Variants in AFM observed in about 807,000 individuals in gnomAD.
AFM encodes the protein afamin.
In AFM, 82 loss-of-function variants were observed where a neutral mutation model predicts 68.7. That is an observed-to-expected ratio of 1.19 (90% CI 1.00 to 1.43). AFM has a LOEUF of 1.43. AFM is among the 40% of genes most tolerant of loss of function. AFM has a pLI of 0.00. For missense variants in AFM, 772 were observed against 701.8 expected (o/e 1.10, Z -1.13); for synonymous variants, 250 against 234.2 (o/e 1.07, Z -0.61).
intron 8 of AFM, among the ~76,000 whole-genome samples, chr4:73,494,288 G>A (rs1169360234): frequency 6.6e-6 from 1 of 152,104 alleles, no homozygotes; most frequent in African/African-American, 2.4e-5. Flanking sequence ...TGAAAAAATA[G>A]GGGTGGGGAG....
At chr4:73,484,807 G>A (rs915861778) in intron 3 of AFM, among the ~76,000 whole-genome samples, 1 of 152,226 alleles carries the variant, frequency 6.6e-6, no homozygotes, top group Non-Finnish European at 1.5e-5. Context: ...AAAGTGTTGG[G>A]ATTGCAGGCG....
At chr4:73,481,945 T>A in intron 1 of AFM, 82 bp downstream of exon 1, 2 of 1,009,902 alleles carry the variant, frequency 2.0e-6, no homozygotes, top group Non-Finnish European at 3.0e-6. Flanking sequence ...TCTTTCAAGT[T>A]AATTCTTTAC....
chr4:73,484,047 G>C, intron 2 of AFM, 58 bp downstream of exon 2: 1 of 1,441,250 alleles, frequency 6.9e-7, no homozygotes, highest in East Asian at 2.4e-5. Context: ...TTCTAGAAAT[G>C]TTAATGCTTC....
intron 1 of AFM, among the ~76,000 whole-genome samples, chr4:73,482,210 G>A (rs1348952581): frequency 6.6e-6 from 1 of 152,184 alleles, no homozygotes; most frequent in Non-Finnish European, 1.5e-5. Context: ...GATGTTAACT[G>A]GGATTTTTCT....
At position 73,481,889 on chromosome 4, in the gene AFM, T is replaced by C. The variant is rs568499671; in HGVS notation, c.88+26T>C. The C allele has an allele frequency of 3.5e-6, 5 of 1,412,968 alleles. No individual in the cohort carries two copies. The Admixed American group carries it at 9.6e-5, about 27-fold the overall frequency. The allele number at this position is 1,412,968 out of a possible 1,614,324, so 87.5% of individuals were successfully genotyped here. A position where few individuals can be genotyped will look rare whatever the true frequency, so the allele number is the denominator to read the frequency against. On this transcript the variant is annotated intron_variant, in intron 1 of 14. Transcript: ENST00000226355. ...GTAAGAAATTTACTTGTATATCAGCTAAAGCATGACCAGTTAGGATAATTT... is the reference window on the plus strand; with the variant it reads ...GTAAGAAATTTACTTGTATATCAGCCAAAGCATGACCAGTTAGGATAATTT...
chr4:73,499,500 T>G (rs527744240), intron 11 of AFM, among the ~76,000 whole-genome samples: 14 of 152,270 alleles, frequency 9.2e-5, no homozygotes, highest in African/African-American at 3.4e-4. Context: ...AGGGATTTGT[T>G]AGGACAAATG....
At chr4:73,486,894 TCCC>T in intron 4 of AFM, 70 bp from the exon 5 acceptor site, 2 of 1,469,530 alleles carry the variant, frequency 1.4e-6, no homozygotes, top group African/African-American at 1.4e-5. Context: ...TCCCTTCCCT[TCCC>T]TTGTCTACAT....
intron 4 of AFM, 120 bp from the exon 5 acceptor site, chr4:73,486,847 T>C (rs1720914003): frequency 1.4e-5 from 14 of 1,012,504 alleles, no homozygotes; most frequent in Non-Finnish European, 1.7e-5. Flanking sequence ...TCTCTTTCTA[T>C]TTTTTCTTTT....
At chr4:73,492,194 G>A (rs769919534) in intron 8 of AFM, 108 bp downstream of exon 8, 3 of 970,348 alleles carry the variant, frequency 3.1e-6, no homozygotes, top group South Asian at 1.5e-5. Flanking sequence ...TATTTCACTA[G>A]GTATCATATA....
chr4:73,498,265 CATT>C (rs1721312551), intron 10 of AFM, among the ~76,000 whole-genome samples: 1 of 151,386 alleles, frequency 6.6e-6, no homozygotes, highest in African/African-American at 2.4e-5. Context: ...ATTTTATTAT[CATT>C]ATTATTATTG....
chr4:73,503,048 A>G lies in AFM; in HGVS notation c.1780-2A>G, dbSNP rs533079194. 1.2e-6 allele frequency: 2 copies of G among 1,613,148 alleles called. No homozygotes were observed. Among genetic ancestry groups the G allele is most frequent in the African/African-American group, 1.3e-5 (1 of 75,002 alleles). On this transcript the variant is annotated splice_acceptor_variant, in intron 13 of 14. Coordinates refer to ENST00000226355, the MANE Select transcript of AFM (RefSeq NM_001133.2). LOFTEE classifies it high-confidence loss of function. ...TGTTTTTATTTCCATCCCTCACCTC[A>G]GAGTCCAAAAATTGGCAACTGAAGC...
At position 73,502,067 on chromosome 4, in the gene AFM, A is replaced by C. The variant is rs946245506; in HGVS notation, c.1779+148A>C. On this transcript the variant is annotated intron_variant, in intron 13 of 14. Transcript: ENST00000226355. ...ATTGCTACACAACTAATATGTAGACATCTCTGAAATACACTTTGAGCAGTG... is the reference window on the plus strand; with the variant it reads ...ATTGCTACACAACTAATATGTAGACCTCTCTGAAATACACTTTGAGCAGTG... 3.8e-5 allele frequency: 34 copies of C among 888,228 alleles called. No individual in the cohort carries two copies. The African/African-American group carries it at 5.4e-4, about 14-fold the overall frequency. 55.0% of individuals were successfully genotyped at this position (888,228 alleles called of 1,614,324 possible). A position where few individuals can be genotyped will look rare whatever the true frequency, so the allele number is the denominator to read the frequency against.
intron 11 of AFM, among the ~76,000 whole-genome samples, 163 bp downstream of exon 11, chr4:73,499,409 C>A (rs1466007771): frequency 6.6e-6 from 1 of 151,894 alleles, no homozygotes; most frequent in Non-Finnish European, 1.5e-5. Context: ...TTTGTGAAAA[C>A]CCTAAGAAGT....
At chr4:73,501,118 T>C (rs1721411124) in intron 12 of AFM, among the ~76,000 whole-genome samples, 1 of 152,112 alleles carries the variant, frequency 6.6e-6, no homozygotes, top group Non-Finnish European at 1.5e-5. Context: ...CCCCCTGAAG[T>C]TTGGAATTCT....
intron 7 of AFM, among the ~76,000 whole-genome samples, 194 bp downstream of exon 7, chr4:73,488,953 T>A (rs1292677260): frequency 1.3e-5 from 2 of 152,244 alleles, no homozygotes; most frequent in African/African-American, 4.8e-5. Flanking sequence ...TTGGAATTTT[T>A]AAAGATTACT....
rs148187308 is a variant in AFM, at chr4:73,497,504, G to T, written c.1192-148G>T. 207 of 402,258 alleles carry T rather than the reference G, an allele frequency of 5.1e-4. 1 individual carries two copies. The highest frequency in any genetic ancestry group is 4.0e-3 in the African/African-American group (191 of 48,094). 24.9% of individuals were successfully genotyped at this position (402,258 alleles called of 1,614,324 possible). Reference sequence around the variant, plus strand: ...TAATTAAAAAATTAAGTTCTTGCACGTGCTTGTAAAAAGTGCCCTGAATTT... The same window carrying T: ...TAATTAAAAAATTAAGTTCTTGCACTTGCTTGTAAAAAGTGCCCTGAATTT... On this transcript the variant is annotated intron_variant, in intron 9 of 14. Coordinates refer to ENST00000226355, the MANE Select transcript of AFM (RefSeq NM_001133.2).
chr4:73,486,823 A>T, intron 4 of AFM, 144 bp from the exon 5 acceptor site: 1 of 810,046 alleles, frequency 1.2e-6, no homozygotes, highest in Non-Finnish European at 1.9e-6. Context: ...TTGTTTTACA[A>T]CTTGCTCTTC....
intron 5 of AFM, 125 bp from the exon 6 acceptor site, chr4:73,487,598 TA>T: frequency 1.5e-6 from 1 of 657,010 alleles, no homozygotes; most frequent in Non-Finnish European, 2.6e-6. Flanking sequence ...TTTACTGAAA[TA>T]AAAATCCTGT....
At chr4:73,500,310 T>C (rs560250632) in intron 12 of AFM, 83 bp downstream of exon 12, 2 of 1,200,412 alleles carry the variant, frequency 1.7e-6, no homozygotes, top group South Asian at 1.5e-5. Context: ...CTAGTGGATA[T>C]GTCTTTTTGA....
Sources: gnomAD v4.1 joint callset for allele counts (sites outside exome capture counted in the v4.1 genomes callset) on GRCh38, gnomAD v4.1.1 for gene constraint, MANE v1.5 for transcripts, NCBI Gene and HGNC (gene_info 2026-07-23, HGNC 2026-07-21) for gene names.